Variants in CLYBL observed in about 807,000 individuals in gnomAD.
CLYBL encodes the protein citramalyl-CoA lyase, mitochondrial.
Under a neutral mutation model 38.9 loss-of-function variants are expected in CLYBL, and 31 were observed. That is an observed-to-expected ratio of 0.80 (90% confidence interval 0.60 to 1.08). CLYBL has a LOEUF of 1.08. Among genes scored for constraint, CLYBL ranks in the 50% least tolerant of loss-of-function variants. The pLI is 0.00. For synonymous variants in CLYBL, 171 were observed against 158.6 expected (o/e 1.08, Z -0.59); for missense variants, 434 against 411.6 (o/e 1.05, Z -0.47).
chr13:99,755,035 C>T (rs1220084571), intron 1 of CLYBL, among the ~76,000 whole-genome samples: 4 of 151,950 alleles, frequency 2.6e-5, no homozygotes, highest in East Asian at 1.9e-4. Context: ...GTAGCTGGGA[C>T]TACAGGCACC....
chr13:99,676,489 G>A (rs796259281), intron 1 of CLYBL, among the ~76,000 whole-genome samples: 5 of 151,006 alleles, frequency 3.3e-5, no homozygotes, highest in African/African-American at 1.2e-4. Flanking sequence ...GTAGAGACAG[G>A]ATTTCGCCAT....
chr13:99,706,123 G>A (rs2139475094), intron 1 of CLYBL, among the ~76,000 whole-genome samples: 1 of 152,036 alleles, frequency 6.6e-6, no homozygotes, highest in African/African-American at 2.4e-5. Flanking sequence ...GTAGAGACAG[G>A]GTTTCACCAT....
At chr13:99,765,015 G>C (rs961512956) in intron 1 of CLYBL, among the ~76,000 whole-genome samples, 3 of 151,546 alleles carry the variant, frequency 2.0e-5, no homozygotes, top group African/African-American at 7.3e-5. Context: ...ATTTACCAAT[G>C]GGTTTTATAC....
At chr13:99,665,336 TAA>T (rs59421798) in intron 1 of CLYBL, among the ~76,000 whole-genome samples, 3 of 150,240 alleles carry the variant, frequency 2.0e-5, no homozygotes, top group Non-Finnish European at 3.0e-5. Flanking sequence ...CTTACTTGCT[TAA>T]AAAAAAAATT....
chr13:99,659,356 G>T (rs952960760), intron 1 of CLYBL, among the ~76,000 whole-genome samples: 1 of 152,124 alleles, frequency 6.6e-6, no homozygotes, highest in South Asian at 2.1e-4. Context: ...GCATTCAAAA[G>T]TTCCGTTAAG....
Position 99,711,825 on chromosome 13 carries a change from C to T in CLYBL, c.63-60999C>T, listed in dbSNP as rs375348882. On this transcript the variant is annotated intron_variant, in intron 1 of 8. Coordinates refer to ENST00000339105, the MANE Select transcript of CLYBL (RefSeq NM_206808.5). ...TCACCTCCTGGGTTCAAGCGATTCTCCTGCCTCAGCCTCCAGAGTAGCTGG... is the reference window on the plus strand; with the variant it reads ...TCACCTCCTGGGTTCAAGCGATTCTTCTGCCTCAGCCTCCAGAGTAGCTGG... 6.6e-4 allele frequency among the ~76,000 whole-genome samples: 101 copies of T among 152,194 alleles called. 1 individual carries two copies. In the East Asian group the frequency reaches 9.8e-3, roughly 15 times the overall value.
chr13:99,830,071 C>G (rs149284631), intron 2 of CLYBL, among the ~76,000 whole-genome samples: 1,742 of 152,162 alleles, frequency 0.011, 20 homozygotes, highest in Middle Eastern at 0.041. Context: ...TCCTGGCTCT[C>G]CCCCCGGCAT....
chr13:99,645,725 G>A (rs79048381), intron 1 of CLYBL, among the ~76,000 whole-genome samples: 4,269 of 151,840 alleles, frequency 0.028, 200 homozygotes, highest in African/African-American at 0.097. Context: ...ATATATCCTG[G>A]TTATTAATCC....
intron 1 of CLYBL, among the ~76,000 whole-genome samples, chr13:99,639,613 C>T (rs2047066560): frequency 6.6e-6 from 1 of 152,186 alleles, no homozygotes; most frequent in South Asian, 2.1e-4. Flanking sequence ...CAAATTTGGG[C>T]TGGATGTGGT....
chr13:99,854,187 C>T (rs921049503), intron 2 of CLYBL, among the ~76,000 whole-genome samples: 1 of 152,070 alleles, frequency 6.6e-6, no homozygotes, highest in East Asian at 1.9e-4. Flanking sequence ...TCCTGTTGCA[C>T]CCAGGGCTGT....
intron 3 of CLYBL, among the ~76,000 whole-genome samples, chr13:99,860,632 G>A (rs1467829247): frequency 1.3e-5 from 2 of 152,260 alleles, no homozygotes; most frequent in African/African-American, 2.4e-5. Context: ...TAAGATGGGG[G>A]AGGGGGAGAC....
intron 1 of CLYBL, among the ~76,000 whole-genome samples, chr13:99,666,490 G>T (rs902489439): frequency 3.9e-5 from 6 of 152,100 alleles, no homozygotes; most frequent in Admixed American, 2.0e-4. Context: ...ATCTCATGGG[G>T]TTTTTTTCCC....
chr13:99,840,593 A>G (rs1168786066), intron 2 of CLYBL, among the ~76,000 whole-genome samples: 4 of 151,772 alleles, frequency 2.6e-5, no homozygotes, highest in African/African-American at 9.7e-5. Flanking sequence ...ACCTGTCTCT[A>G]CAAAAAATTA....
In CLYBL at chr13:99,865,456, G is replaced by C. The variant is rs2139227687; in HGVS notation, c.634+545G>C. Among the ~76,000 whole-genome samples the C allele has an allele frequency of 6.6e-6, 1 of 152,230 alleles. No individual in the cohort carries two copies. Among genetic ancestry groups the C allele is most frequent in the South Asian group, 2.1e-4 (1 of 4,826 alleles). ...TTCACCGATTCTCACCATCCCTTGT[G>C]AGCTGCACTTGAGGGGTCTGCATGT... On this transcript the variant is annotated intron_variant, in intron 5 of 8. Coordinates refer to ENST00000339105, the MANE Select transcript of CLYBL (RefSeq NM_206808.5). The surrounding 1 kb of genome is among the most constrained non-coding windows in gnomAD (Gnocchi z 4.7).
intron 2 of CLYBL, among the ~76,000 whole-genome samples, chr13:99,835,366 C>T (rs34727243): frequency 0.046 from 6,971 of 152,280 alleles, 351 homozygotes; most frequent in African/African-American, 0.12. Context: ...TGCGTCTGCC[C>T]TGTTGCTCTG....
downstream of CLYBL, chr13:99,896,764 G>A (rs1280659738): frequency 6.6e-6 from 1 of 152,214 alleles, no homozygotes. Context: ...CAACTTTGCC[G>A]ATTTCCCTTG....
intron 2 of CLYBL, among the ~76,000 whole-genome samples, chr13:99,827,024 TA>T (rs2050708574): frequency 6.8e-6 from 1 of 147,800 alleles, no homozygotes; most frequent in Admixed American, 6.6e-5. Context: ...CCTCCCTGTT[TA>T]AGTTATTATT....
At chr13:99,864,080 C>G (rs1272588763) in intron 4 of CLYBL, among the ~76,000 whole-genome samples, 4 of 152,212 alleles carry the variant, frequency 2.6e-5, no homozygotes, top group African/African-American at 9.7e-5. Flanking sequence ...CCCTAAGATG[C>G]AACCAGATTC....
intron 1 of CLYBL, among the ~76,000 whole-genome samples, chr13:99,673,951 A>G (rs1186327456): frequency 6.6e-6 from 1 of 152,076 alleles, no homozygotes; most frequent in African/African-American, 2.4e-5. Flanking sequence ...TTGGAAATAA[A>G]AGAGGAGTCA....
Sources: allele counts gnomAD v4.1 joint callset (sites outside exome capture counted in the v4.1 genomes callset), GRCh38; gene constraint gnomAD v4.1.1; non-coding constraint Gnocchi (gnomAD v3.1); transcripts MANE v1.5; gene names NCBI Gene and HGNC (gene_info 2026-07-23, HGNC 2026-07-21).